Variants in TTLL4 observed in about 807,000 individuals in gnomAD.
TTLL4 encodes tubulin tyrosine ligase like 4, also known as tubulin monoglutamylase TTLL4.
In TTLL4, 85 loss-of-function variants were observed where a neutral mutation model predicts 122.7. That is an observed-to-expected ratio of 0.69 (90% CI 0.58 to 0.83). The LOEUF (loss-of-function observed/expected upper bound fraction) is 0.83. Ranked by LOEUF, TTLL4 falls within the 40% of genes least tolerant of loss-of-function variation. The probability of loss-of-function intolerance (pLI) is 0.00; values close to 1 mark genes in which losing one functional copy is unlikely to be tolerated. For synonymous variants in TTLL4, 553 were observed against 563.0 expected (o/e 0.98, Z 0.25); for missense variants, 1,363 against 1,488.6 (o/e 0.92, Z 1.39).
At position 218,747,628 on chromosome 2, in the gene TTLL4, A is replaced by G. The variant is rs1359807856; in HGVS notation, c.2281A>G (p.Ser761Gly). Residue 761 changes from serine (S) to glycine (G), a missense_variant, in exon 11 of 20, where the codon AGC becomes GGC. By Grantham distance (56) the Ser-to-Gly change is moderately conservative. This residue lies in a region of TTLL4 where 596 missense variants were observed against 655.8 expected (regional missense o/e 0.91). Coordinates refer to ENST00000392102, the MANE Select transcript of TTLL4 (RefSeq NM_014640.5). The surrounding 1 kb of genome is among the most constrained non-coding windows in gnomAD (Gnocchi z 4.7). ...YLHKPYLISG[S>G]KFDLRIYVYV... is the part of the protein sequence containing the mutation. ...ACACAAACCCTACCTCATCAGCGGC[A>G]GCAAGTTTGACCTGCGGATCTATGT... 1.2e-6 allele frequency: 2 copies of G among 1,614,230 alleles called. No homozygotes were observed. The highest frequency in any genetic ancestry group is 4.5e-5 in the East Asian group (2 of 44,886).
intron 2 of TTLL4, among the ~76,000 whole-genome samples, chr2:218,734,858 T>C (rs185848529): frequency 6.6e-6 from 1 of 152,330 alleles, no homozygotes; most frequent in Admixed American, 6.5e-5. Context: ...GGATTTGACT[T>C]TTCCCTTTGT....
intron 1 of TTLL4, among the ~76,000 whole-genome samples, chr2:218,726,095 G>T (rs562894366): frequency 6.6e-6 from 1 of 152,082 alleles, no homozygotes; most frequent in South Asian, 2.1e-4. Flanking sequence ...TTACTTTTAA[G>T]ACGGGTCTGG....
Position 218,747,884 on chromosome 2 carries a change from G to T in TTLL4, c.2378+159G>T. 8.2e-7 allele frequency: 1 copy of T among 1,215,046 alleles called. No homozygotes were observed. The highest frequency in any genetic ancestry group is 1.1e-6 in the Non-Finnish European group (1 of 873,698). The allele number at this position is 1,215,046 out of a possible 1,614,324, so 75.3% of individuals were successfully genotyped here. A position where few individuals can be genotyped will look rare whatever the true frequency, so the allele number is the denominator to read the frequency against. On this transcript the variant is annotated intron_variant, in intron 11 of 19. Transcript: ENST00000392102. The surrounding 1 kb of genome is among the most constrained non-coding windows in gnomAD (Gnocchi z 4.7). ...GAGGCTCTCTACTTCGTTAAATCTG[G>T]GGAGGGTCTTCCTGCATGCGGGACT...
chr2:218,735,845 G>A (rs1037183019), intron 2 of TTLL4, among the ~76,000 whole-genome samples: 1 of 151,316 alleles, frequency 6.6e-6, no homozygotes, highest in Admixed American at 6.6e-5. Flanking sequence ...GCTAATTTTT[G>A]TATTTTTAGT....
At chr2:218,723,131 C>T (rs910529608) in intron 1 of TTLL4, among the ~76,000 whole-genome samples, 1 of 152,302 alleles carries the variant, frequency 6.6e-6, no homozygotes, top group Admixed American at 6.5e-5. Flanking sequence ...TCTGACATTC[C>T]CACCTTACTT....
chr2:218,747,418 G>T lies in TTLL4; in HGVS notation c.2249+46G>T, dbSNP rs764618773. On this transcript the variant is annotated intron_variant, in intron 10 of 19. Transcript: ENST00000392102. This position sits in a 1 kb window ranked among gnomAD's most constrained non-coding sequence, Gnocchi z 4.7. ...CCTTACCCCATCCTCCCACCTCCTT[G>T]GCCTCGAGGTTCCCTTCTTACAATG... The T allele has an allele frequency of 6.2e-7, 1 of 1,600,292 alleles. No homozygotes were observed. Among genetic ancestry groups the T allele is most frequent in the Non-Finnish European group, 8.5e-7 (1 of 1,172,422 alleles).
At chr2:218,730,332 A>AAAAAAATT (rs1942339247) in intron 2 of TTLL4, among the ~76,000 whole-genome samples, 1 of 140,304 alleles carries the variant, frequency 7.1e-6, no homozygotes. Context: ...AAAAAAAAAA[A>AAAAAAATT]AAAAAAAAAA....
At chr2:218,749,198 G>C in intron 13 of TTLL4, 55 bp from the exon 14 acceptor site, 1 of 1,605,108 alleles carries the variant, frequency 6.2e-7, no homozygotes, top group Non-Finnish European at 8.5e-7. Flanking sequence ...GGATAGCTCT[G>C]AGTAGAGCCC....
In TTLL4 at chr2:218,754,119, ACC is replaced by A. The variant is rs781499894; in HGVS notation, c.3345-14_3345-13del. 87 of 1,613,736 alleles carry A rather than the reference ACC, an allele frequency of 5.4e-5. No individual in the cohort carries two copies. Among genetic ancestry groups the A allele is most frequent in the Non-Finnish European group, 7.3e-5 (86 of 1,179,932 alleles). On this transcript the variant is annotated splice_polypyrimidine_tract_variant and intron_variant, in intron 19 of 19. Coordinates refer to ENST00000392102, the MANE Select transcript of TTLL4 (RefSeq NM_014640.5). ...CAGTGTCTCAGTCATTTCTTTCACC[ACC>A]TATTCCCTCCAGAAAACAAAGCTCC...
At chr2:218,745,602 TG>T in intron 6 of TTLL4, 88 bp from the exon 7 acceptor site, 1 of 892,936 alleles carries the variant, frequency 1.1e-6, no homozygotes, top group Non-Finnish European at 1.8e-6. Context: ...CAGGGAAGAA[TG>T]GGCAGCCATG....
At chr2:218,744,230 G>A (rs1399015899) in intron 5 of TTLL4, among the ~76,000 whole-genome samples, 1 of 152,146 alleles carries the variant, frequency 6.6e-6, no homozygotes, top group Non-Finnish European at 1.5e-5. Context: ...ATAATAACAG[G>A]TAAAGTGACT....
intron 2 of TTLL4, among the ~76,000 whole-genome samples, chr2:218,729,213 C>T (rs763884731): frequency 5.3e-5 from 8 of 152,086 alleles, no homozygotes; most frequent in East Asian, 1.9e-4. Context: ...GGATTACAGA[C>T]GTGAGCCACT....
Position 218,737,830 on chromosome 2 carries a change from A to T in TTLL4, c.154A>T (p.Ile52Phe). ...WPQAHQQVKP[I>F]WKLEKKQVET... Reference sequence around the variant, plus strand: ...TCAGGCCCATCAGCAAGTGAAGCCAATCTGGAAGCTGGAAAAGAAGCAAGT... The same window carrying T: ...TCAGGCCCATCAGCAAGTGAAGCCATTCTGGAAGCTGGAAAAGAAGCAAGT... Residue 52 changes from isoleucine (I) to phenylalanine (F), a missense_variant, in exon 3 of 20, where the codon ATC becomes TTC. By Grantham distance (21) the Ile-to-Phe change is conservative. Around this residue, in one of 3 missense-constraint regions of TTLL4, gnomAD observed 760 missense variants for 808.4 expected, o/e 0.94. Coordinates refer to ENST00000392102, the MANE Select transcript of TTLL4 (RefSeq NM_014640.5). 1 of 1,614,236 alleles carries T rather than the reference A, an allele frequency of 6.2e-7. No individual in the cohort carries two copies. The highest frequency in any genetic ancestry group is 1.1e-5 in the South Asian group (1 of 91,086).
chr2:218,755,380 C>G lies in TTLL4; in HGVS notation c.*991C>G, dbSNP rs1438280502. On this transcript the variant is annotated 3_prime_UTR_variant, in exon 20 of 20. Transcript: ENST00000392102. The stretch of plus-strand genomic sequence containing the variant: ...CTTGTACTGAACTGATTCTACCTCC[C>G]TCCTCTAGACTCAGTAAACAGTGAC... The G allele has an allele frequency of 6.6e-6, 1 of 152,144 alleles. No homozygotes were observed. Among genetic ancestry groups the G allele is most frequent in the Non-Finnish European group, 1.5e-5 (1 of 68,038 alleles). The allele number at this position is 152,144 out of a possible 1,614,324, so 9.4% of individuals were successfully genotyped here.
At chr2:218,722,986 A>G (rs1942088888) in intron 1 of TTLL4, among the ~76,000 whole-genome samples, 2 of 152,224 alleles carry the variant, frequency 1.3e-5, no homozygotes, top group Non-Finnish European at 2.9e-5. Context: ...TTCTGCCTGA[A>G]TATTTTTTAT....
intron 7 of TTLL4, 111 bp downstream of exon 7, chr2:218,745,912 C>T: frequency 9.8e-7 from 1 of 1,017,994 alleles, no homozygotes; most frequent in Non-Finnish European, 1.5e-6. Context: ...CTGGGGCCCT[C>T]TCCTGAAATC....
chr2:218,745,963 G>A, intron 7 of TTLL4, 162 bp downstream of exon 7: 1 of 874,034 alleles, frequency 1.1e-6, no homozygotes, highest in South Asian at 1.5e-5. Context: ...CCTGGACTGA[G>A]CCTGTTGTTC....
chr2:218,737,930 G>A lies in TTLL4; in HGVS notation c.254G>A (p.Ser85Asn), dbSNP rs1364133664. 6.2e-7 allele frequency: 1 copy of A among 1,614,080 alleles called. No homozygotes were observed. Among genetic ancestry groups the A allele is most frequent in the African/African-American group, 1.3e-5 (1 of 74,932 alleles). ...PPQPAYFFCP[S>N]TLCSSGTTAV... ...CAGCCAGCATATTTCTTTTGCCCCA[G>A]CACTTTATGTAGCTCTGGGACCACG... is the stretch of plus-strand genomic sequence containing the variant. The change falls in exon 3 of 20, where the codon AGC (serine) becomes AAC (asparagine). Residue 85 changes from serine to asparagine, a missense_variant. By Grantham distance (46) the Ser-to-Asn change is conservative. Coordinates refer to ENST00000392102, the MANE Select transcript of TTLL4 (RefSeq NM_014640.5).
In TTLL4 at chr2:218,754,853, T is replaced by A. The variant is rs1463437973; in HGVS notation, c.*464T>A. The A allele has an allele frequency of 5.9e-6, 1 of 169,166 alleles. No individual in the cohort carries two copies. The highest frequency in any genetic ancestry group is 1.3e-5 in the Non-Finnish European group (1 of 77,902). 10.5% of individuals were successfully genotyped at this position (169,166 alleles called of 1,614,324 possible). The stretch of plus-strand genomic sequence containing the variant: ...TTCCTTAGGTCTTTCCTCACCCCTC[T>A]CCCACCGCTGTCCTGAGGAGAAACC... On this transcript the variant is annotated 3_prime_UTR_variant, in exon 20 of 20. Coordinates refer to ENST00000392102, the MANE Select transcript of TTLL4 (RefSeq NM_014640.5).
Sources: gnomAD v4.1 joint callset for allele counts (sites outside exome capture counted in the v4.1 genomes callset) on GRCh38, gnomAD v4.1.1 for gene constraint, gnomAD v4.1.1 regional missense constraint, Gnocchi (gnomAD v3.1) non-coding constraint, MANE v1.5 for transcripts, NCBI Gene and HGNC (gene_info 2026-07-23, HGNC 2026-07-21) for gene names.